The following SGCZ variants were observed in gnomAD, a reference collection of about 807,000 sequenced individuals.
SGCZ encodes zeta-sarcoglycan.
Under a neutral mutation model 41.3 loss-of-function variants are expected in SGCZ, and 40 were observed. The observed-to-expected ratio is 0.97, with a 90% CI of 0.75 to 1.26. The LOEUF is 1.26. Among genes scored for constraint, SGCZ ranks in the 50% most tolerant of loss-of-function variants. SGCZ has a pLI of 0.00. For synonymous variants in SGCZ, 206 were observed against 137.5 expected, an observed-to-expected ratio of 1.50 and a Z score of -3.49; for missense variants, 552 against 369.8, an observed-to-expected ratio of 1.49 and a Z score of -4.04.
intron 3 of SGCZ, among the ~76,000 whole-genome samples, chr8:14,300,108 T>G (rs893142384): frequency 6.6e-6 from 1 of 151,974 alleles, no homozygotes; most frequent in Admixed American, 6.6e-5. Flanking sequence ...GAAGTGGGCT[T>G]TAGGAAATAG....
intron 2 of SGCZ, among the ~76,000 whole-genome samples, chr8:14,496,940 G>C (rs188118241): frequency 6.6e-6 from 1 of 152,078 alleles, no homozygotes; most frequent in East Asian, 1.9e-4. Context: ...ATTGTTGTAG[G>C]TTCTTTTAGG....
chr8:14,519,313 G>A (rs1027046891), intron 2 of SGCZ, among the ~76,000 whole-genome samples: 1 of 151,996 alleles, frequency 6.6e-6, no homozygotes, highest in Admixed American at 6.6e-5. Context: ...ATTTTCAGCA[G>A]AGCAGAAGTG....
At chr8:14,801,423 A>C (rs577028194) in intron 1 of SGCZ, among the ~76,000 whole-genome samples, 1 of 152,340 alleles carries the variant, frequency 6.6e-6, no homozygotes, top group East Asian at 1.9e-4. Context: ...CAAATTATAA[A>C]TTTGGAAGAT....
intron 1 of SGCZ, among the ~76,000 whole-genome samples, chr8:14,784,212 G>A (rs1482329487): frequency 2.7e-5 from 3 of 111,990 alleles, no homozygotes; most frequent in South Asian, 3.1e-4. Flanking sequence ...CACCGAGCCT[G>A]GCTAATTTTT....
chr8:15,021,104 A>C (rs1266899061), intron 1 of SGCZ, among the ~76,000 whole-genome samples: 1 of 152,228 alleles, frequency 6.6e-6, no homozygotes, highest in Non-Finnish European at 1.5e-5. Context: ...AAAATGCCCC[A>C]ACAAGAGAGA....
chr8:15,222,951 A>C (rs1248361323), intron 1 of SGCZ, among the ~76,000 whole-genome samples: 1 of 152,230 alleles, frequency 6.6e-6, no homozygotes, highest in South Asian at 2.1e-4. Context: ...CATGAGTTTC[A>C]TGAAAGCATA....
At chr8:14,217,534 A>G (rs1391881369) in intron 4 of SGCZ, among the ~76,000 whole-genome samples, 2 of 151,376 alleles carry the variant, frequency 1.3e-5, no homozygotes, top group East Asian at 1.9e-4. Context: ...ATTTCAGAAT[A>G]AAAGCTAATG....
At chr8:14,797,187 C>A (rs1801161718) in intron 1 of SGCZ, among the ~76,000 whole-genome samples, 1 of 151,800 alleles carries the variant, frequency 6.6e-6, no homozygotes, top group Non-Finnish European at 1.5e-5. Flanking sequence ...GCTCAGAAGA[C>A]AGGAAAATGT....
chr8:14,151,755 C>T (rs542393154), intron 5 of SGCZ, among the ~76,000 whole-genome samples: 1 of 151,998 alleles, frequency 6.6e-6, no homozygotes, highest in Non-Finnish European at 1.5e-5. Flanking sequence ...GTCAGAAAGA[C>T]AGATATTCTG....
intron 1 of SGCZ, among the ~76,000 whole-genome samples, chr8:14,847,893 G>T (rs1206567327): frequency 1.3e-5 from 2 of 151,042 alleles, no homozygotes; most frequent in African/African-American, 4.9e-5. Flanking sequence ...TGAGGTACTA[G>T]GCAGTGAAAT....
intron 2 of SGCZ, among the ~76,000 whole-genome samples, chr8:14,519,788 G>A (rs1218976312): frequency 3.3e-5 from 5 of 152,052 alleles, no homozygotes; most frequent in African/African-American, 9.7e-5. Flanking sequence ...TGAGAAAAAT[G>A]TTATTTCATT....
intron 2 of SGCZ, among the ~76,000 whole-genome samples, chr8:14,384,484 G>A (rs565896474): frequency 6.6e-6 from 1 of 152,156 alleles, no homozygotes; most frequent in Admixed American, 6.5e-5. Flanking sequence ...AAAGATAATT[G>A]GTTGTTATAG....
At chr8:14,259,554 T>G (rs1435782319) in intron 3 of SGCZ, among the ~76,000 whole-genome samples, 1 of 142,950 alleles carries the variant, frequency 7.0e-6, no homozygotes, top group Non-Finnish European at 1.6e-5. Flanking sequence ...CCAGCACCAT[T>G]TATTAAATAG....
intron 1 of SGCZ, among the ~76,000 whole-genome samples, chr8:14,925,487 G>A (rs1025471459): frequency 1.3e-5 from 2 of 152,150 alleles, no homozygotes; most frequent in Admixed American, 1.3e-4. Context: ...TTTATAACAA[G>A]ATGCTTCTTA....
At chr8:14,183,997 C>A (rs1248138404) in intron 4 of SGCZ, among the ~76,000 whole-genome samples, 1 of 151,870 alleles carries the variant, frequency 6.6e-6, no homozygotes, top group African/African-American at 2.4e-5. Flanking sequence ...AATACAAGGC[C>A]AATATATAAA....
chr8:14,768,078 G>A (rs1800100509), intron 1 of SGCZ, among the ~76,000 whole-genome samples: 1 of 152,088 alleles, frequency 6.6e-6, no homozygotes, highest in Non-Finnish European at 1.5e-5. Context: ...CCAATGCATA[G>A]TGCACTCTAT....
chr8:14,924,821 T>C lies in SGCZ; in HGVS notation c.39+312764A>G, dbSNP rs535565637. On this transcript the variant is annotated intron_variant, in intron 1 of 7. Coordinates refer to ENST00000382080, the MANE Select transcript of SGCZ (RefSeq NM_139167.4). ...ATTATCATTGTTTTACGTTTAAGTA[T>C]GGTTCCTGTATGTCTTTATCTAGGA... Among the ~76,000 whole-genome samples the C allele has an allele frequency of 3.3e-5, 5 of 151,912 alleles. No individual in the cohort carries two copies. In the East Asian group the frequency reaches 7.7e-4, roughly 24 times the overall value.
chr8:14,186,947 A>C (rs1230155500), intron 4 of SGCZ, among the ~76,000 whole-genome samples: 1 of 152,176 alleles, frequency 6.6e-6, no homozygotes, highest in Non-Finnish European at 1.5e-5. Flanking sequence ...TTGGGATTTA[A>C]CTGCATCAGT....
chr8:14,740,471 GT>G (rs1233050394), intron 1 of SGCZ, among the ~76,000 whole-genome samples: 3 of 151,986 alleles, frequency 2.0e-5, no homozygotes, highest in Non-Finnish European at 4.4e-5. Flanking sequence ...GCCTATCTTA[GT>G]GGGGCCCTGT....
Sources: gnomAD v4.1 joint callset for allele counts (sites outside exome capture counted in the v4.1 genomes callset) on GRCh38, gnomAD v4.1.1 for gene constraint, MANE v1.5 for transcripts, NCBI Gene and HGNC (gene_info 2026-07-23, HGNC 2026-07-21) for gene names.